The following MYO16 variants were observed in gnomAD, a reference collection of about 807,000 sequenced individuals.
MYO16 encodes unconventional myosin-XVI.
A neutral mutation model predicts 205.3 loss-of-function variants in MYO16; 94 were observed. The observed-to-expected ratio is 0.46, with a 90% CI of 0.39 to 0.54. MYO16 has a LOEUF of 0.54. Among genes scored for constraint, MYO16 ranks in the 20% least tolerant of loss-of-function variants. The pLI, the probability that MYO16 is intolerant of heterozygous loss-of-function variation, is 0.00. For missense variants in MYO16, 2,315 were observed against 2,387.5 expected, an observed-to-expected ratio of 0.97 and a Z score of 0.63; for synonymous variants, 988 against 954.0, an observed-to-expected ratio of 1.04 and a Z score of -0.66.
At chr13:108,689,656 C>A (rs530223669) in intron 2 of MYO16, among the ~76,000 whole-genome samples, 2 of 151,936 alleles carry the variant, frequency 1.3e-5, no homozygotes, top group East Asian at 1.9e-4. Flanking sequence ...TTATTAACTG[C>A]CATTTTGTAG....
rs1555344226 is a variant in MYO16, at chr13:108,753,383, A to AAAAAAAAAC, written c.507+25808_507+25809insCAAAAAAAA. Among the ~76,000 whole-genome samples the AAAAAAAAAC allele has an allele frequency of 3.1e-4, 46 of 147,814 alleles. 2 individuals are homozygous for AAAAAAAAAC. Among genetic ancestry groups the AAAAAAAAAC allele is most frequent in the African/African-American group, 1.2e-3 (44 of 37,768 alleles). On this transcript the variant is annotated intron_variant, in intron 4 of 34. Coordinates refer to ENST00000457511, the MANE Select transcript of MYO16 (RefSeq NM_001198950.3). ...AAAACTCTGTGACAAAAAAAAAAAA[A>AAAAAAAAAC]AAAAAAAAAAAACAATAAAATATAA...
Position 108,823,209 on chromosome 13 carries a change from C to G in MYO16, c.1028C>G (p.Ala343Gly), listed in dbSNP as rs969227915. 5.6e-6 allele frequency: 9 copies of G among 1,613,118 alleles called. No homozygotes were observed. The African/African-American group carries it at 1.1e-4, about 19-fold the overall frequency. ...WEEKMKEPLSASTLAQEEPYE... is the reference protein window; with the variant it reads ...WEEKMKEPLSGSTLAQEEPYE... ...GAAAAAATGAAAGAGCCTTTATCTGCTTCTACCTTAGCTCAAGAAGAGCCC... is the reference window on the plus strand; with the variant it reads ...GAAAAAATGAAAGAGCCTTTATCTGGTTCTACCTTAGCTCAAGAAGAGCCC... Residue 343 changes from alanine (A) to glycine (G), a missense_variant, in exon 9 of 35, where the codon GCT (alanine) becomes GGT (glycine). Around this residue, in one of 3 missense-constraint regions of MYO16, gnomAD observed 1,213 missense variants for 1,274.4 expected, o/e 0.95. Transcript: ENST00000457511.
intron 23 of MYO16, among the ~76,000 whole-genome samples, chr13:109,023,825 T>C (rs1886256049): frequency 1.5e-5 from 2 of 136,522 alleles, no homozygotes; most frequent in Admixed American, 7.7e-5. Flanking sequence ...ATATTTTATA[T>C]TTGCATTTAT....
chr13:108,519,604 C>A, the MYO16 span, among the ~76,000 whole-genome samples: 3 of 146,748 alleles, frequency 2.0e-5, no homozygotes, highest in Non-Finnish European at 3.0e-5. Context: ...ATTTGCTTGG[C>A]CAAAATAAAC....
At chr13:108,642,045 T>A (rs989868588) in intron 1 of MYO16, among the ~76,000 whole-genome samples, 1 of 152,154 alleles carries the variant, frequency 6.6e-6, no homozygotes, top group Non-Finnish European at 1.5e-5. Context: ...ATCACTTAAC[T>A]CTTCTAGGGC....
At chr13:108,635,648 G>A (rs879832819) in intron 1 of MYO16, among the ~76,000 whole-genome samples, 3 of 151,600 alleles carry the variant, frequency 2.0e-5, no homozygotes, top group South Asian at 2.1e-4. Context: ...CTACGGGTGC[G>A]TGCCACCACA....
At chr13:108,769,656 C>G (rs1234166378) in intron 4 of MYO16, among the ~76,000 whole-genome samples, 1 of 152,160 alleles carries the variant, frequency 6.6e-6, no homozygotes, top group Middle Eastern at 3.4e-3. Context: ...TGAGCAAGAC[C>G]GGGTGGTTCT....
At chr13:108,817,408 A>G (rs985917325) in intron 7 of MYO16, among the ~76,000 whole-genome samples, 1 of 152,208 alleles carries the variant, frequency 6.6e-6, no homozygotes, top group Non-Finnish European at 1.5e-5. Context: ...TATATTGGGC[A>G]AACATATACA....
At chr13:108,800,231 G>T (rs960872740) in intron 6 of MYO16, among the ~76,000 whole-genome samples, 3 of 152,136 alleles carry the variant, frequency 2.0e-5, no homozygotes, top group Non-Finnish European at 4.4e-5. Flanking sequence ...TTTACTTTGT[G>T]CATGCAAGAA....
intron 16 of MYO16, among the ~76,000 whole-genome samples, chr13:108,936,769 GT>G (rs1238045264): frequency 6.6e-6 from 1 of 152,060 alleles, no homozygotes; most frequent in African/African-American, 2.4e-5. Context: ...TGGGTCTTCT[GT>G]TTTTATACAA....
At chr13:108,963,635 T>C (rs1348099115) in intron 19 of MYO16, among the ~76,000 whole-genome samples, 1 of 152,188 alleles carries the variant, frequency 6.6e-6, no homozygotes, top group Non-Finnish European at 1.5e-5. Flanking sequence ...CCAACAGTCT[T>C]TCAAAGATAC....
chr13:108,778,631 T>TA lies in MYO16; in HGVS notation c.508-7004_508-7003insA, dbSNP rs201069233. Reference sequence around the variant, plus strand: ...GAGACTCCATCTAAAAAAATATATATTTTTTTTCTGTTTCACTGGAGTCTA... The same window carrying TA: ...GAGACTCCATCTAAAAAAATATATATATTTTTTTCTGTTTCACTGGAGTCTA... On this transcript the variant is annotated intron_variant, in intron 4 of 34. Coordinates refer to ENST00000457511, the MANE Select transcript of MYO16 (RefSeq NM_001198950.3). 2.1e-3 allele frequency among the ~76,000 whole-genome samples: 325 copies of TA among 152,008 alleles called. 2 individuals are homozygous for TA. The highest frequency in any genetic ancestry group is 7.4e-3 in the African/African-American group (305 of 41,458).
At chr13:108,899,406 A>G (rs2139207383) in intron 15 of MYO16, among the ~76,000 whole-genome samples, 1 of 151,818 alleles carries the variant, frequency 6.6e-6, no homozygotes, top group East Asian at 1.9e-4. Context: ...CTGGGCAACG[A>G]GAGCCAAACT....
chr13:108,653,844 C>A (rs1035831994), intron 1 of MYO16, among the ~76,000 whole-genome samples: 1 of 151,508 alleles, frequency 6.6e-6, no homozygotes, highest in Non-Finnish European at 1.5e-5. Flanking sequence ...CCCCTAGAAG[C>A]AGAGAATGAA....
intron 4 of MYO16, among the ~76,000 whole-genome samples, chr13:108,781,930 C>G (rs1160324485): frequency 6.6e-6 from 1 of 152,172 alleles, no homozygotes; most frequent in Non-Finnish European, 1.5e-5. Flanking sequence ...CCTCCCCAGC[C>G]ATGTGGAACT....
intron 19 of MYO16, among the ~76,000 whole-genome samples, chr13:108,963,930 C>T (rs752470733): frequency 2.6e-5 from 4 of 152,178 alleles, no homozygotes; most frequent in Non-Finnish European, 5.9e-5. Flanking sequence ...TGTGTTGTTC[C>T]ATCTCGATGG....
In MYO16 at chr13:109,052,555, C is replaced by G. The variant is rs1887280518; in HGVS notation, c.3048+80C>G. The G allele has an allele frequency of 2.8e-6, 3 of 1,073,284 alleles. No homozygotes were observed. The African/African-American group carries it at 4.9e-5, about 18-fold the overall frequency. 66.5% of individuals were successfully genotyped at this position (1,073,284 alleles called of 1,614,324 possible). On this transcript the variant is annotated intron_variant, in intron 25 of 34. Coordinates refer to ENST00000457511, the MANE Select transcript of MYO16 (RefSeq NM_001198950.3). ...GCTTCTTTTTTTTTAAAAAAAAGCA[C>G]AATTTTAAATACCAAGGAAATAGAT...
chr13:108,745,076 TAAC>T (rs1032277711), intron 4 of MYO16, among the ~76,000 whole-genome samples: 1 of 152,210 alleles, frequency 6.6e-6, no homozygotes, highest in Non-Finnish European at 1.5e-5. Context: ...ACTCCTGTCT[TAAC>T]AACAAGAACA....
chr13:109,125,301 C>T lies in MYO16; in HGVS notation c.3725C>T (p.Ala1242Val). 1 of 1,614,090 alleles carries T rather than the reference C, an allele frequency of 6.2e-7. No individual in the cohort carries two copies. Among genetic ancestry groups the T allele is most frequent in the South Asian group, 1.1e-5 (1 of 91,076 alleles). Residue 1242 changes from alanine to valine, a missense_variant, in exon 30 of 35, where the codon GCT becomes GTT. Transcript: ENST00000457511. This position sits in a 1 kb window ranked among gnomAD's most constrained non-coding sequence, Gnocchi z 4.0. The stretch of plus-strand genomic sequence containing the variant: ...GACCGGCTCCGTAGTGAAATGAACG[C>T]TCCCTACCATAAAGAGAAGTTAGAG... ...ENDRLRSEMN[A>V]PYHKEKLEVR... is the part of the protein sequence containing the mutation.
Sources: allele counts gnomAD v4.1 joint callset (sites outside exome capture counted in the v4.1 genomes callset), GRCh38; gene constraint gnomAD v4.1.1; regional missense constraint gnomAD v4.1.1; non-coding constraint Gnocchi (gnomAD v3.1); transcripts MANE v1.5; gene names NCBI Gene and HGNC (gene_info 2026-07-23, HGNC 2026-07-21).